PFKM: variants seen among roughly 807,000 people sequenced by gnomAD.
PFKM encodes the protein ATP-dependent 6-phosphofructokinase, muscle type.
In PFKM, 58 loss-of-function variants were observed where a neutral mutation model predicts 95.5. The ratio of observed to expected loss-of-function variants is 0.61; its 90% confidence interval spans 0.49 to 0.76. PFKM has a LOEUF of 0.76. Among genes scored for constraint, PFKM ranks in the 30% least tolerant of loss-of-function variants. PFKM has a pLI of 0.00. For synonymous variants in PFKM, 336 were observed against 357.2 expected (o/e 0.94, Z 0.67); for missense variants, 678 against 1,005.4 (o/e 0.67, Z 4.40).
chr12:48,141,619 G>T, intron 15 of PFKM, 121 bp from the exon 16 acceptor site: 1 of 864,216 alleles, frequency 1.2e-6, no homozygotes. Context: ...AGGGAGGGCG[G>T]CACAGGTCAA....
chr12:48,135,020 C>T lies in PFKM; in HGVS notation c.825C>T (p.Thr275=), dbSNP rs1173987256. 14 of 1,612,656 alleles carry T rather than the reference C, an allele frequency of 8.7e-6. No individual in the cohort carries two copies. The highest frequency in any genetic ancestry group is 2.2e-5 in the East Asian group (1 of 44,880). Residue 275 remains threonine, a synonymous_variant, in exon 9 of 23, where the codon ACC becomes ACT. Coordinates refer to ENST00000359794, the MANE Select transcript of PFKM (RefSeq NM_000289.6). The part of the protein sequence containing the change: ...GAIDKNGKPI[T]SEDIKNLVVK... ...TTGACAAGAATGGAAAACCAATCACCTCAGAAGACATCAAGAATGTTCGTA... is the reference window on the plus strand; with the variant it reads ...TTGACAAGAATGGAAAACCAATCACTTCAGAAGACATCAAGAATGTTCGTA...
chr12:48,121,905 A>G (rs768574957), intron 1 of PFKM, among the ~76,000 whole-genome samples: 22 of 152,156 alleles, frequency 1.4e-4, no homozygotes, highest in Middle Eastern at 3.2e-3. Context: ...GGAGAGTGAT[A>G]ATTCTACTGG....
chr12:48,116,265 C>T (rs1303948685), upstream of PFKM, among the ~76,000 whole-genome samples: 3 of 150,648 alleles, frequency 2.0e-5, no homozygotes, highest in Middle Eastern at 6.9e-3. Flanking sequence ...CTCTCTCCAC[C>T]CCTCCCTACC....
chr12:48,138,419 G>A (rs1355078942), intron 11 of PFKM, among the ~76,000 whole-genome samples: 1 of 152,144 alleles, frequency 6.6e-6, no homozygotes, highest in Non-Finnish European at 1.5e-5. Flanking sequence ...CGAACGTGGC[G>A]GCTGAGAGCG....
rs542573617 is a variant in PFKM, at chr12:48,131,331, G to A, written c.175G>A (p.Val59Met). The A allele has an allele frequency of 3.7e-6, 6 of 1,612,642 alleles. No homozygotes were observed. The highest frequency in any genetic ancestry group is 3.3e-5 in the Admixed American group (2 of 60,028). ...TGTCACACAGGGTTATCAAGGCCTG[G>A]TGGATGGTGGAGATCACATCAAGGA... ...FFVHEGYQGL[V>M]DGGDHIKEAT... The change falls in exon 4 of 23, where the codon GTG becomes ATG. Residue 59 changes from valine (V) to methionine (M), a missense_variant. Physicochemically the swap from Val to Met is conservative, Grantham distance 21 (BLOSUM62 1). Coordinates refer to ENST00000359794, the MANE Select transcript of PFKM (RefSeq NM_000289.6).
rs143182891 is a variant in PFKM, at chr12:48,108,368, AAG to A, written c.205+177_205+178del. On this transcript the variant is annotated intron_variant, in intron 3 of 24. Transcript: ENST00000340802. Reference sequence around the variant, plus strand: ...AGAGAGAAAGAGAGAGAGAAAGAGAAAGAGGGATGGGGAGGGAAAGGAAGAAG... The same window carrying A: ...AGAGAGAAAGAGAGAGAGAAAGAGAAAGGGATGGGGAGGGAAAGGAAGAAG... 5.6e-3 allele frequency among the ~76,000 whole-genome samples: 853 copies of A among 151,974 alleles called. 13 individuals are homozygous for A. The highest frequency in any genetic ancestry group is 0.019 in the African/African-American group (801 of 41,498).
chr12:48,113,495 C>G (rs1016149208), intron 3 of PFKM, among the ~76,000 whole-genome samples: 1 of 152,110 alleles, frequency 6.6e-6, no homozygotes, highest in Non-Finnish European at 1.5e-5. Flanking sequence ...TTGGACAGTC[C>G]GATTTCCAGT....
chr12:48,122,505 G>T, intron 1 of PFKM: 2 of 1,076,782 alleles, frequency 1.9e-6, no homozygotes, highest in Non-Finnish European at 2.4e-6. Flanking sequence ...CCCCAAATAG[G>T]TTCCAATTGG....
chr12:48,136,962 G>C (rs1225066272), intron 10 of PFKM, among the ~76,000 whole-genome samples: 1 of 151,516 alleles, frequency 6.6e-6, no homozygotes, highest in Non-Finnish European at 1.5e-5. Context: ...CACCATGTTG[G>C]CCAGGCAGGT....
chr12:48,121,911 A>T (rs1948322546), intron 1 of PFKM, among the ~76,000 whole-genome samples: 2 of 152,260 alleles, frequency 1.3e-5, no homozygotes, highest in East Asian at 3.8e-4. Context: ...TGATAATTCT[A>T]CTGGCATTTT....
chr12:48,128,014 A>G (rs892921523), intron 2 of PFKM, among the ~76,000 whole-genome samples: 1 of 152,144 alleles, frequency 6.6e-6, no homozygotes, highest in African/African-American at 2.4e-5. Flanking sequence ...ATCTCTCACC[A>G]TTTCCTAGTT....
chr12:48,121,640 G>A (rs1948288962), intron 1 of PFKM, among the ~76,000 whole-genome samples: 1 of 152,166 alleles, frequency 6.6e-6, no homozygotes, highest in East Asian at 1.9e-4. Flanking sequence ...CATCTCCACT[G>A]AAGCCTAGGG....
chr12:48,136,580 A>G (rs952881139), intron 10 of PFKM, among the ~76,000 whole-genome samples: 1 of 151,090 alleles, frequency 6.6e-6, no homozygotes. Context: ...TCTTAAAAAA[A>G]TTTTTTTTCA....
chr12:48,120,127 C>T (rs1948101038), intron 1 of PFKM, among the ~76,000 whole-genome samples: 1 of 152,094 alleles, frequency 6.6e-6, no homozygotes, highest in Non-Finnish European at 1.5e-5. Flanking sequence ...CCTATTTGCC[C>T]TAGTCACTTA....
chr12:48,108,091 C>T, exon 3 of PFKM: 1 of 1,599,368 alleles, frequency 6.3e-7, no homozygotes, highest in Non-Finnish European at 8.5e-7. Context: ...CTTCTACTTC[C>T]AGCATGCTCA....
intron 13 of PFKM, 133 bp downstream of exon 13, chr12:48,140,045 T>A: frequency 1.5e-6 from 1 of 675,852 alleles, no homozygotes; most frequent in East Asian, 2.8e-5. Flanking sequence ...CAGTGCTGGG[T>A]CCCTGGCCCT....
At chr12:48,110,119 A>G (rs1947052344) in intron 3 of PFKM, among the ~76,000 whole-genome samples, 1 of 152,184 alleles carries the variant, frequency 6.6e-6, no homozygotes. Context: ...ATGGCCTGAG[A>G]AGTCAGAAAA....
At chr12:48,133,576 G>A in intron 6 of PFKM, 96 bp downstream of exon 6, 1 of 1,170,402 alleles carries the variant, frequency 8.5e-7, no homozygotes, top group Non-Finnish European at 1.3e-6. Flanking sequence ...TTGAGCTATG[G>A]TGACTATAAT....
chr12:48,122,899 T>C (rs951647359), intron 2 of PFKM, 40 bp downstream of exon 2: 6 of 1,586,424 alleles, frequency 3.8e-6, no homozygotes, highest in African/African-American at 1.3e-5. Context: ...GGTGGGACTT[T>C]TGGAATTTAC....
Sources: allele counts gnomAD v4.1 joint callset (sites outside exome capture counted in the v4.1 genomes callset), GRCh38; gene constraint gnomAD v4.1.1; transcripts MANE v1.5; gene names NCBI Gene and HGNC (gene_info 2026-07-23, HGNC 2026-07-21).